Variants in OR10H1 observed in about 807,000 individuals in gnomAD.
OR10H1 encodes the protein olfactory receptor family 10 subfamily H member 1.
Under a neutral mutation model 13.1 loss-of-function variants are expected in OR10H1, and 12 were observed. The ratio of observed to expected loss-of-function variants is 0.92; its 90% CI spans 0.59 to 1.48. OR10H1 has a LOEUF of 1.48. Among genes scored for constraint, OR10H1 ranks in the 40% most tolerant of loss-of-function variants. The probability of loss-of-function intolerance (pLI) is 0.00; values close to 1 mark genes in which losing one functional copy is unlikely to be tolerated. For missense variants in OR10H1, 363 were observed against 413.1 expected, an observed-to-expected ratio of 0.88 and a Z score of 1.05; for synonymous variants, 168 against 175.6, an observed-to-expected ratio of 0.96 and a Z score of 0.34.
chr19:15,809,853 C>T (rs2144942570), intron 2 of OR10H1, among the ~76,000 whole-genome samples: 1 of 152,034 alleles, frequency 6.6e-6, no homozygotes, highest in East Asian at 1.9e-4. Context: ...GGCTCTGTCA[C>T]CCAGGCTGGA....
intron 2 of OR10H1, 100 bp from the exon 3 acceptor site, chr19:15,808,941 C>T (rs926731599): frequency 4.6e-5 from 7 of 152,316 alleles, no homozygotes; most frequent in African/African-American, 1.7e-4. Flanking sequence ...CCCTCCTACT[C>T]CCTTCTGATA....
chr19:15,808,107 TC>T, intron 3 of OR10H1, 59 bp from the exon 4 acceptor site: 1 of 1,411,224 alleles, frequency 7.1e-7, no homozygotes. Flanking sequence ...TTCTCAGCCT[TC>T]CCCATACCTG....
intron 2 of OR10H1, among the ~76,000 whole-genome samples, chr19:15,810,691 G>A (rs1255944657): frequency 6.6e-6 from 1 of 152,038 alleles, no homozygotes; most frequent in East Asian, 1.9e-4. Flanking sequence ...ACTGCTAATA[G>A]ATACGGTGTT....
rs982554037 is a variant in OR10H1 at position 15,807,961 on chromosome 19, A to G, written c.77T>C (p.Met26Thr). The G allele has an allele frequency of 1.3e-5, 21 of 1,614,000 alleles. No homozygotes were observed. The African/African-American group carries it at 2.4e-4, about 18-fold the overall frequency. The part of the protein sequence containing the change: ...GFSVFPHLQL[M>T]LFLLFLLMYL... ...CATCAGCAGGAACAGCAGGAAGAGC[A>G]TCAGCTGGAGGTGGGGGAAGACAGA... Residue 26 changes from methionine to threonine, a missense_variant, in exon 4 of 4, where the codon ATG becomes ACG. This residue lies in a region of OR10H1 where 318 missense variants were observed against 366.6 expected (regional missense o/e 0.87). Transcript: ENST00000641419.
rs2088936821 is a variant in OR10H1, at chr19:15,812,363, A to C, written c.-262T>G. 7.0e-6 allele frequency: 1 copy of C among 142,780 alleles called. No homozygotes were observed. The highest frequency in any genetic ancestry group is 2.2e-4 in the South Asian group (1 of 4,452). The allele number at this position is 142,780 out of a possible 1,614,324, so 8.8% of individuals were successfully genotyped here. On this transcript the variant is annotated 5_prime_UTR_variant, in exon 2 of 4. Coordinates refer to ENST00000641419, the MANE Select transcript of OR10H1 (RefSeq NM_013940.4). Reference sequence around the variant, plus strand: ...GTGAGTGAACAAGGTGGGGGGAGAGAGAGAGAGAGAAAAGGAGGAGGAGGA... The same window carrying C: ...GTGAGTGAACAAGGTGGGGGGAGAGCGAGAGAGAGAAAAGGAGGAGGAGGA...
intron 1 of OR10H1, among the ~76,000 whole-genome samples, chr19:15,815,139 G>A (rs932033988): frequency 6.6e-6 from 1 of 152,066 alleles, no homozygotes; most frequent in Non-Finnish European, 1.5e-5. Context: ...AGGAGTTCAA[G>A]ACCAGCCTGT....
chr19:15,811,873 T>A (rs528679429), intron 2 of OR10H1, among the ~76,000 whole-genome samples: 1 of 152,172 alleles, frequency 6.6e-6, no homozygotes, highest in Non-Finnish European at 1.5e-5. Context: ...TGATATGTCA[T>A]GTTGGAGCTG....
chr19:15,809,864 G>A (rs957014137), intron 2 of OR10H1, among the ~76,000 whole-genome samples: 6 of 151,478 alleles, frequency 4.0e-5, no homozygotes, highest in Non-Finnish European at 8.8e-5. Context: ...CCAGGCTGGA[G>A]TGCAGTGGCA....
In OR10H1 at chr19:15,808,033, T is replaced by C. The variant is rs763589873; in HGVS notation, c.5A>G (p.Gln2Arg). ...GGTCACTGTGGAGTGATTGGCTCTC[T>C]GCATGGAGGCTGTGCCTGGGGTGAG... is the stretch of plus-strand genomic sequence containing the variant. M[Q>R]RANHSTVTQF... is the part of the protein sequence containing the mutation. The change falls in exon 4 of 4, where the codon CAG becomes CGG. Residue 2 changes from glutamine to arginine, a missense_variant. Gln to Arg is a conservative substitution (Grantham distance 43). Around this residue, in one of 3 missense-constraint regions of OR10H1, gnomAD observed 318 missense variants for 366.6 expected, o/e 0.87. Transcript: ENST00000641419. The C allele has an allele frequency of 1.9e-6, 3 of 1,608,258 alleles. No homozygotes were observed. The highest frequency in any genetic ancestry group is 1.7e-5 in the Admixed American group (1 of 59,908).
intron 2 of OR10H1, among the ~76,000 whole-genome samples, chr19:15,809,282 T>G (rs939904811): frequency 1.3e-4 from 8 of 62,224 alleles, no homozygotes; most frequent in African/African-American, 2.6e-4. Context: ...ATTTATTTAT[T>G]TATGTATTTA....
At chr19:15,808,112 A>G in intron 3 of OR10H1, 64 bp from the exon 4 acceptor site, 2 of 1,387,232 alleles carry the variant, frequency 1.4e-6, no homozygotes, top group Non-Finnish European at 2.0e-6. Context: ...AGCCTTCCCC[A>G]TACCTGGATT....
Position 15,807,457 on chromosome 19 carries a change from A to G in OR10H1, c.581T>C (p.Leu194Pro), listed in dbSNP as rs776895355. 64 of 1,614,230 alleles carry G rather than the reference A, an allele frequency of 4.0e-5. No individual in the cohort carries two copies. The highest frequency in any genetic ancestry group is 5.3e-5 in the Non-Finnish European group (63 of 1,180,044). ...CAAGCCCACGCCTTTGGCCACCACC[A>G]GCACATCGTCTCCACAGGCCAACTT... is the stretch of plus-strand genomic sequence containing the variant. Reference protein sequence around the residue: ...LLKLACGDDVLVVAKGVGLVC... With the variant: ...LLKLACGDDVPVVAKGVGLVC... Residue 194 changes from leucine (L) to proline (P), a missense_variant, in exon 4 of 4, where the codon CTG becomes CCG. This residue lies in a region of OR10H1 where 318 missense variants were observed against 366.6 expected (regional missense o/e 0.87). Coordinates refer to ENST00000641419, the MANE Select transcript of OR10H1 (RefSeq NM_013940.4).
Position 15,808,780 on chromosome 19 carries a change from G to C in OR10H1, c.-67C>G, listed in dbSNP as rs370159982. 6.6e-6 allele frequency: 1 copy of C among 152,066 alleles called. No individual in the cohort carries two copies. The highest frequency in any genetic ancestry group is 2.4e-5 in the African/African-American group (1 of 41,382). 9.4% of individuals were successfully genotyped at this position (152,066 alleles called of 1,614,324 possible). On this transcript the variant is annotated 5_prime_UTR_variant, in exon 3 of 4. Transcript: ENST00000641419. ...CAGGAGAATCTCTTGAACCTGGGAGGCGGAGGTTGCAGTAAGCCGAGATGG... is the reference window on the plus strand; with the variant it reads ...CAGGAGAATCTCTTGAACCTGGGAGCCGGAGGTTGCAGTAAGCCGAGATGG...
rs2088891976 is a variant in OR10H1, at chr19:15,805,633, A to C, written c.*1448T>G. ...TGGCTAATTTTTATATTTTTAGTAG[A>C]GATGGGGTTTCAGCCATTTGCCCAG... On this transcript the variant is annotated 3_prime_UTR_variant, in exon 4 of 4. Transcript: ENST00000641419. 1 of 151,988 alleles carries C rather than the reference A, an allele frequency of 6.6e-6. No homozygotes were observed. The highest frequency in any genetic ancestry group is 1.5e-5 in the Non-Finnish European group (1 of 68,054). The allele number at this position is 151,988 out of a possible 1,614,324, so 9.4% of individuals were successfully genotyped here.
rs2088895247 is a variant in OR10H1 at position 15,806,345 on chromosome 19, C to T, written c.*736G>A. 6.6e-6 allele frequency: 1 copy of T among 152,188 alleles called. No homozygotes were observed. The highest frequency in any genetic ancestry group is 2.4e-5 in the African/African-American group (1 of 41,438). 9.4% of individuals were successfully genotyped at this position (152,188 alleles called of 1,614,324 possible). A position where few individuals can be genotyped will look rare whatever the true frequency, so the allele number is the denominator to read the frequency against. On this transcript the variant is annotated 3_prime_UTR_variant, in exon 4 of 4. Coordinates refer to ENST00000641419, the MANE Select transcript of OR10H1 (RefSeq NM_013940.4). ...TGTGTTTATAATTGTATGTCGTCTACAAGGTCCCTTGTAAACCTTAAAGCA... is the reference window on the plus strand; with the variant it reads ...TGTGTTTATAATTGTATGTCGTCTATAAGGTCCCTTGTAAACCTTAAAGCA...
intron 2 of OR10H1, among the ~76,000 whole-genome samples, chr19:15,810,267 C>G (rs575877889): frequency 1.0e-4 from 13 of 126,702 alleles, no homozygotes; most frequent in African/African-American, 3.4e-4. Context: ...GCACTCCAGG[C>G]TGGGTGACAG....
At chr19:15,813,148 A>T (rs1226437955) in intron 1 of OR10H1, among the ~76,000 whole-genome samples, 1 of 37,664 alleles carries the variant, frequency 2.7e-5, no homozygotes, top group Admixed American at 2.0e-4. Context: ...GATTAATGGT[A>T]AAAAAAAAAA....
chr19:15,808,245 CT>C (rs1246598940), intron 3 of OR10H1, 197 bp from the exon 4 acceptor site: 6 of 581,196 alleles, frequency 1.0e-5, no homozygotes, highest in Non-Finnish European at 1.8e-5. Context: ...TTTGAAGTAC[CT>C]TGAGCATAGT....
chr19:15,815,428 C>G (rs1003697920), intron 1 of OR10H1, 127 bp downstream of exon 1: 2 of 152,144 alleles, frequency 1.3e-5, no homozygotes, highest in African/African-American at 4.8e-5. Flanking sequence ...CTCTGCCTGT[C>G]ACCCACTGCC....
Sources: allele counts gnomAD v4.1 joint callset (sites outside exome capture counted in the v4.1 genomes callset), GRCh38; gene constraint gnomAD v4.1.1; regional missense constraint gnomAD v4.1.1; transcripts MANE v1.5; gene names NCBI Gene and HGNC (gene_info 2026-07-23, HGNC 2026-07-21).